Variants in NAALADL2 observed in about 807,000 individuals in gnomAD.
NAALADL2 encodes the protein N-acetylated alpha-linked acidic dipeptidase like 2, also known as inactive N-acetylated-alpha-linked acidic dipeptidase-like protein 2.
NAALADL2 carries 76 observed loss-of-function variants against 87.2 expected under a neutral mutation model. The ratio of observed to expected loss-of-function variants is 0.87; its 90% confidence interval spans 0.72 to 1.05. The LOEUF (loss-of-function observed/expected upper bound fraction) is 1.05. Ranked by LOEUF, NAALADL2 falls within the 50% of genes least tolerant of loss-of-function variation. The probability of loss-of-function intolerance (pLI) is 0.00; values close to 1 mark genes in which losing one functional copy is unlikely to be tolerated. For synonymous variants in NAALADL2, 354 were observed against 331.0 expected (o/e 1.07, Z -0.75); for missense variants, 1,089 against 945.8 (o/e 1.15, Z -1.99).
chr3:175,619,225 G>GAA (rs1725813692), intron 10 of NAALADL2, among the ~76,000 whole-genome samples: 1 of 107,924 alleles, frequency 9.3e-6, no homozygotes, highest in Non-Finnish European at 2.0e-5. Context: ...GAGAGAAAGA[G>GAA]AGAAAGAAAG....
intron 1 of NAALADL2, among the ~76,000 whole-genome samples, chr3:174,481,471 C>T (rs1717545412): frequency 6.6e-6 from 1 of 151,916 alleles, no homozygotes; most frequent in Admixed American, 6.6e-5. Context: ...AGATAGCTCA[C>T]AAAATTGCCA....
At chr3:175,753,492 C>T (rs1746868250) in intron 12 of NAALADL2, among the ~76,000 whole-genome samples, 1 of 152,064 alleles carries the variant, frequency 6.6e-6, no homozygotes, top group African/African-American at 2.4e-5. Context: ...ACATGTAAAA[C>T]AGTCTCCATC....
At chr3:174,987,366 G>A (rs919945361) in intron 1 of NAALADL2, among the ~76,000 whole-genome samples, 1 of 150,910 alleles carries the variant, frequency 6.6e-6, no homozygotes, top group Admixed American at 6.6e-5. Context: ...TCAGGAGATC[G>A]AGACCATCCC....
chr3:174,458,699 A>G (rs931222213), intron 1 of NAALADL2: 3 of 152,188 alleles, frequency 2.0e-5, no homozygotes, highest in African/African-American at 7.2e-5. Flanking sequence ...AGAAGTTACC[A>G]TCTATCAACA....
chr3:174,564,877 A>G (rs1335825150), intron 2 of NAALADL2, among the ~76,000 whole-genome samples: 1 of 151,842 alleles, frequency 6.6e-6, no homozygotes, highest in Non-Finnish European at 1.5e-5. Context: ...TCAAAAGTGT[A>G]TGTTTTACAT....
chr3:175,413,965 G>A (rs1714107184), intron 5 of NAALADL2, among the ~76,000 whole-genome samples: 1 of 152,090 alleles, frequency 6.6e-6, no homozygotes, highest in Admixed American at 6.5e-5. Flanking sequence ...CCTTTGCTGG[G>A]GAACCACCGT....
At chr3:174,466,661 C>T (rs1716551504) in intron 1 of NAALADL2, among the ~76,000 whole-genome samples, 1 of 152,102 alleles carries the variant, frequency 6.6e-6, no homozygotes, top group African/African-American at 2.4e-5. Flanking sequence ...TGTGACAACC[C>T]TAATTAGGAC....
At chr3:174,768,192 A>G (rs1323765764) in intron 3 of NAALADL2, among the ~76,000 whole-genome samples, 5 of 152,268 alleles carry the variant, frequency 3.3e-5, no homozygotes, top group Non-Finnish European at 7.4e-5. Context: ...GAGTTGGAGG[A>G]TGATAAATTG....
intron 3 of NAALADL2, among the ~76,000 whole-genome samples, chr3:174,785,834 T>A (rs1328289102): frequency 6.6e-6 from 1 of 152,198 alleles, no homozygotes; most frequent in Non-Finnish European, 1.5e-5. Context: ...GAATTTTGGC[T>A]CCAAAACTTG....
At chr3:175,299,455 C>T (rs1756772287) in intron 4 of NAALADL2, among the ~76,000 whole-genome samples, 1 of 151,268 alleles carries the variant, frequency 6.6e-6, no homozygotes, top group South Asian at 2.1e-4. Context: ...TTGTTTGTGT[C>T]CTCTCTTATT....
intron 13 of NAALADL2, among the ~76,000 whole-genome samples, chr3:175,762,850 C>T (rs910003729): frequency 7.2e-5 from 11 of 152,054 alleles, no homozygotes; most frequent in Non-Finnish European, 1.5e-4. Context: ...TTGGGAAGGC[C>T]GAGGCAGGCG....
At chr3:175,188,200 G>A (rs1447140538) in intron 2 of NAALADL2, among the ~76,000 whole-genome samples, 3 of 152,160 alleles carry the variant, frequency 2.0e-5, no homozygotes, top group Non-Finnish European at 2.9e-5. Context: ...CCTGGCAGCA[G>A]TGATAAAGTG....
At chr3:175,698,483 T>TATATATATATA (rs1560995887) in intron 11 of NAALADL2, among the ~76,000 whole-genome samples, 7 of 67,738 alleles carry the variant, frequency 1.0e-4, no homozygotes, top group African/African-American at 4.5e-4. Flanking sequence ...GTATATATAT[T>TATATATATATA]TATATATATA....
intron 1 of NAALADL2, among the ~76,000 whole-genome samples, chr3:175,068,598 G>T (rs948029688): frequency 2.4e-4 from 37 of 152,058 alleles, no homozygotes; most frequent in Admixed American, 2.2e-3. Flanking sequence ...GAGGATGAGT[G>T]CAAAGTTTAA....
chr3:175,585,366 C>A (rs1344738866), intron 10 of NAALADL2, among the ~76,000 whole-genome samples: 1 of 152,066 alleles, frequency 6.6e-6, no homozygotes, highest in Non-Finnish European at 1.5e-5. Context: ...CACCTTTTAT[C>A]TTCTGCTAGA....
intron 1 of NAALADL2, among the ~76,000 whole-genome samples, chr3:175,063,977 T>C (rs1714054254): frequency 6.6e-6 from 1 of 152,172 alleles, no homozygotes; most frequent in South Asian, 2.1e-4. Flanking sequence ...GACACTGCAA[T>C]AATTCAGCTG....
In NAALADL2 at chr3:175,110,578, T is replaced by C. The variant is rs9861246; in HGVS notation, c.545+13287T>C. Among the ~76,000 whole-genome samples, 1,479 of 151,880 alleles carry C rather than the reference T, an allele frequency of 9.7e-3. 23 individuals are homozygous for C. The highest frequency in any genetic ancestry group is 0.034 in the African/African-American group (1,421 of 41,500). On this transcript the variant is annotated intron_variant, in intron 2 of 13. Transcript: ENST00000454872. Reference sequence around the variant, plus strand: ...ATAACACTCAGTGTGTTCTCAGAATTGACAGAGTGGTACTTCTGTGGTAAT... The same window carrying C: ...ATAACACTCAGTGTGTTCTCAGAATCGACAGAGTGGTACTTCTGTGGTAAT...
At position 174,622,836 on chromosome 3, in the gene NAALADL2, G is replaced by C. The variant is rs556103717; in HGVS notation, c.-115+72199G>C. ...CGGGCGAATCACGAGGTCGGGAGAT[G>C]GAGACCATCCTGGCTAACTTGGTGA... is the stretch of plus-strand genomic sequence containing the variant. On this transcript the variant is annotated intron_variant, in intron 2 of 3. Coordinates refer to the NAALADL2 transcript ENST00000434257. Among the ~76,000 whole-genome samples the C allele has an allele frequency of 2.7e-3, 418 of 152,140 alleles. 2 individuals carry two copies. Among genetic ancestry groups the C allele is most frequent in the African/African-American group, 9.2e-3 (382 of 41,510 alleles).
rs150079902 is a variant in NAALADL2, at chr3:174,734,708, G to A, written c.-114-2933G>A. Among the ~76,000 whole-genome samples the A allele has an allele frequency of 4.1e-3, 631 of 152,226 alleles. 5 individuals carry two copies. The highest frequency in any genetic ancestry group is 0.014 in the African/African-American group (579 of 41,536). ...ATCCTCATCAAGCAGTTCTTTCTTT[G>A]TGAGAAAAGAAAGAAGATTTAGATA... On this transcript the variant is annotated intron_variant, in intron 2 of 3. Transcript: ENST00000434257.
Sources: gnomAD v4.1 joint callset for allele counts (sites outside exome capture counted in the v4.1 genomes callset) on GRCh38, gnomAD v4.1.1 for gene constraint, MANE v1.5 for transcripts, NCBI Gene and HGNC (gene_info 2026-07-23, HGNC 2026-07-21) for gene names.